Variants in KDM4C observed in about 807,000 individuals in gnomAD.
KDM4C encodes the protein lysine-specific demethylase 4C.
In KDM4C, 81 loss-of-function variants were observed where a neutral mutation model predicts 129.3. That is an observed-to-expected ratio of 0.63 (90% CI 0.52 to 0.75). The LOEUF is 0.75. KDM4C is among the 30% of genes least tolerant of loss of function. The probability of loss-of-function intolerance (pLI) is 0.00; values close to 1 mark genes in which losing one functional copy is unlikely to be tolerated. For missense variants in KDM4C, 1,457 were observed against 1,304.0 expected (o/e 1.12, Z -1.81); for synonymous variants, 573 against 456.1 (o/e 1.26, Z -3.26).
At position 7,088,268 on chromosome 9, in the gene KDM4C, A is replaced by C. The variant is rs375700822; in HGVS notation, c.2425-15417A>C. On this transcript the variant is annotated intron_variant, in intron 17 of 21. Transcript: ENST00000381309. ...AAGTACTCGTTGATATGAACCCTGG[A>C]ATGGGACCTAGGAGAAATGCTGTTT... Among the ~76,000 whole-genome samples the C allele has an allele frequency of 7.9e-5, 12 of 152,346 alleles. No individual in the cohort carries two copies. The East Asian group carries it at 1.9e-3, about 25-fold the overall frequency.
At chr9:7,153,950 G>A (rs1308450040) in intron 19 of KDM4C, among the ~76,000 whole-genome samples, 1 of 152,196 alleles carries the variant, frequency 6.6e-6, no homozygotes, top group Non-Finnish European at 1.5e-5. Context: ...GGGTGCTGCT[G>A]CTGCTGCTGC....
At chr9:6,741,578 G>C (rs567893064) in intron 1 of KDM4C, among the ~76,000 whole-genome samples, 8 of 149,898 alleles carry the variant, frequency 5.3e-5, no homozygotes, top group Non-Finnish European at 1.0e-4. Flanking sequence ...GAGGAGTTTT[G>C]TTTGCAACAC....
chr9:6,720,963 G>C, exon 1 of KDM4C: 1 of 1,551,624 alleles, frequency 6.4e-7, no homozygotes, highest in Non-Finnish European at 8.7e-7. Flanking sequence ...AGCACTATGG[G>C]CTGCCCTGGA....
intron 1 of KDM4C, among the ~76,000 whole-genome samples, chr9:6,741,709 C>A (rs917004159): frequency 2.8e-5 from 3 of 109,086 alleles, no homozygotes; most frequent in South Asian, 5.5e-4. Context: ...TTTGGTGACA[C>A]TTTTTATTCA....
chr9:6,944,993 A>G (rs750665120), intron 8 of KDM4C, among the ~76,000 whole-genome samples: 18 of 152,124 alleles, frequency 1.2e-4, no homozygotes, highest in Admixed American at 2.6e-4. Flanking sequence ...ATGTGTTTCA[A>G]TGATTATGCA....
intron 8 of KDM4C, among the ~76,000 whole-genome samples, chr9:6,932,084 C>T (rs917225058): frequency 6.6e-6 from 1 of 152,114 alleles, no homozygotes; most frequent in Non-Finnish European, 1.5e-5. Context: ...AGTACAAATG[C>T]TATGAGAGGC....
At chr9:6,888,214 A>G (rs1845575112) in intron 7 of KDM4C, 151 bp downstream of exon 7, 2 of 404,230 alleles carry the variant, frequency 4.9e-6, no homozygotes, top group African/African-American at 4.2e-5. Flanking sequence ...ATTTATCTAA[A>G]TCCTAATTAG....
chr9:6,864,508 A>G (rs1003947225), intron 5 of KDM4C, among the ~76,000 whole-genome samples: 1 of 151,826 alleles, frequency 6.6e-6, no homozygotes, highest in East Asian at 1.9e-4. Context: ...CTGTTTGGTG[A>G]TCTCTAACTT....
intron 4 of KDM4C, among the ~76,000 whole-genome samples, chr9:6,836,423 A>G (rs1001272429): frequency 6.6e-6 from 1 of 152,236 alleles, no homozygotes; most frequent in Non-Finnish European, 1.5e-5. Flanking sequence ...TTTGATTTAT[A>G]TATGTACAAT....
intron 4 of KDM4C, chr9:6,835,359 C>T (rs1835692519): frequency 9.4e-7 from 1 of 1,058,720 alleles, no homozygotes; most frequent in African/African-American, 1.6e-5. Flanking sequence ...CTGGCGGCAC[C>T]ACCATGTACC....
chr9:6,980,087 C>G (rs545090632), intron 8 of KDM4C, among the ~76,000 whole-genome samples: 7 of 152,234 alleles, frequency 4.6e-5, no homozygotes, highest in African/African-American at 7.2e-5. Flanking sequence ...TTCAGTCAGT[C>G]TGTTACCGGG....
intron 5 of KDM4C, among the ~76,000 whole-genome samples, chr9:6,866,971 TTGTG>T (rs369963257): frequency 0.052 from 6,498 of 125,980 alleles, 201 homozygotes; most frequent in Middle Eastern, 0.081. Context: ...AAATATATGT[TTGTG>T]TGTGTGTGTG....
chr9:6,932,670 A>T (rs1348206011), intron 8 of KDM4C, among the ~76,000 whole-genome samples: 4 of 152,146 alleles, frequency 2.6e-5, no homozygotes, highest in Non-Finnish European at 5.9e-5. Context: ...CCAAACTGCA[A>T]CCCGTGTGTG....
At position 6,837,803 on chromosome 9, in the gene KDM4C, A is replaced by G. The variant is rs75761917; in HGVS notation, c.436-11704A>G. On this transcript the variant is annotated intron_variant, in intron 4 of 21. Coordinates refer to ENST00000381309, the MANE Select transcript of KDM4C (RefSeq NM_015061.6). ...CACTATTTTGTTTGTCTTATTTACA[A>G]TGTCTTTTAATGAACAAATGTCTTA... 9.4e-3 allele frequency among the ~76,000 whole-genome samples: 1,427 copies of G among 152,224 alleles called. 10 individuals are homozygous for G. The highest frequency in any genetic ancestry group is 0.016 in the Non-Finnish European group (1,063 of 68,008).
intron 17 of KDM4C, among the ~76,000 whole-genome samples, chr9:7,098,188 C>T (rs149713506): frequency 1.3e-3 from 204 of 152,280 alleles, no homozygotes; most frequent in African/African-American, 4.7e-3. Context: ...AACAGTGACT[C>T]ATTAGCCTTA....
intron 19 of KDM4C, among the ~76,000 whole-genome samples, chr9:7,162,595 G>C (rs913840765): frequency 6.6e-6 from 1 of 152,164 alleles, no homozygotes; most frequent in Non-Finnish European, 1.5e-5. Flanking sequence ...ATTTATGCTT[G>C]TCCAGTCCAC....
intron 12 of KDM4C, among the ~76,000 whole-genome samples, chr9:6,996,154 GC>G (rs1250867525): frequency 6.6e-6 from 1 of 152,136 alleles, no homozygotes; most frequent in Admixed American, 6.5e-5. Flanking sequence ...TTGCCTTGCT[GC>G]CCATTTTGAT....
intron 15 of KDM4C, among the ~76,000 whole-genome samples, chr9:7,042,616 C>G (rs1051768404): frequency 2.0e-5 from 3 of 152,004 alleles, no homozygotes; most frequent in Non-Finnish European, 2.9e-5. Context: ...AGTAATGCCT[C>G]TACCAGTATC....
chr9:7,092,020 AT>A (rs1007474701), intron 17 of KDM4C, among the ~76,000 whole-genome samples: 1 of 151,986 alleles, frequency 6.6e-6, no homozygotes, highest in African/African-American at 2.4e-5. Flanking sequence ...GGGTGATCTG[AT>A]TTTTTTGTCC....
Sources: allele counts gnomAD v4.1 joint callset (sites outside exome capture counted in the v4.1 genomes callset), GRCh38; gene constraint gnomAD v4.1.1; transcripts MANE v1.5; gene names NCBI Gene and HGNC (gene_info 2026-07-23, HGNC 2026-07-21).